Variants in CNTNAP4 observed in about 807,000 individuals in gnomAD.
CNTNAP4 encodes the protein contactin-associated protein-like 4.
In CNTNAP4, 98 loss-of-function variants were observed where a neutral mutation model predicts 148.4. The ratio of observed to expected loss-of-function variants is 0.66; its 90% CI spans 0.56 to 0.78. The LOEUF (loss-of-function observed/expected upper bound fraction) is 0.78. Ranked by LOEUF, CNTNAP4 falls within the 30% of genes least tolerant of loss-of-function variation. The pLI is 0.00. For synonymous variants in CNTNAP4, 730 were observed against 565.1 expected, an observed-to-expected ratio of 1.29 and a Z score of -4.14; for missense variants, 1,935 against 1,565.6, an observed-to-expected ratio of 1.24 and a Z score of -3.98.
At chr16:76,542,494 A>G (rs2084506424) in intron 21 of CNTNAP4, among the ~76,000 whole-genome samples, 1 of 152,208 alleles carries the variant, frequency 6.6e-6, no homozygotes, top group Non-Finnish European at 1.5e-5. Context: ...TGTGGGACCC[A>G]TCTACTTCCC....
At chr16:76,362,920 G>A (rs1594027) in intron 3 of CNTNAP4, among the ~76,000 whole-genome samples, 1 of 151,704 alleles carries the variant, frequency 6.6e-6, no homozygotes, top group Non-Finnish European at 1.5e-5. Context: ...AATAAAATAA[G>A]GAAAAAAGAA....
intron 15 of CNTNAP4, among the ~76,000 whole-genome samples, chr16:76,514,610 C>A (rs557561130): frequency 6.6e-6 from 1 of 152,240 alleles, no homozygotes; most frequent in South Asian, 2.1e-4. Context: ...ATGGAAACAT[C>A]TATGAACAGC....
chr16:76,305,758 A>C (rs143338782), intron 1 of CNTNAP4, among the ~76,000 whole-genome samples: 294 of 152,218 alleles, frequency 1.9e-3, no homozygotes, highest in African/African-American at 6.5e-3. Context: ...TATTGCACCC[A>C]GGTAGTGAGA....
chr16:76,304,302 G>C (rs901323026), intron 1 of CNTNAP4, among the ~76,000 whole-genome samples: 1 of 152,098 alleles, frequency 6.6e-6, no homozygotes, highest in African/African-American at 2.4e-5. Context: ...CAATATTCTG[G>C]CTTCAGTGCA....
chr16:76,329,644 T>C (rs889041916), intron 2 of CNTNAP4, among the ~76,000 whole-genome samples: 1 of 152,198 alleles, frequency 6.6e-6, no homozygotes, highest in African/African-American at 2.4e-5. Flanking sequence ...ATAATTTAAA[T>C]AGAAAGCTAG....
chr16:76,533,394 G>A (rs548214055), intron 17 of CNTNAP4, among the ~76,000 whole-genome samples: 1 of 152,084 alleles, frequency 6.6e-6, no homozygotes, highest in African/African-American at 2.4e-5. Flanking sequence ...AGCTAGACAG[G>A]AGGAAAAAGT....
intron 15 of CNTNAP4, among the ~76,000 whole-genome samples, chr16:76,511,857 G>GAGAGAT (rs1233655475): frequency 6.6e-6 from 1 of 151,890 alleles, no homozygotes; most frequent in East Asian, 1.9e-4. Context: ...GAGAGAGAGA[G>GAGAGAT]AGAGACAATA....
intron 12 of CNTNAP4, among the ~76,000 whole-genome samples, chr16:76,488,903 G>A (rs1349311264): frequency 1.3e-5 from 2 of 152,148 alleles, no homozygotes; most frequent in South Asian, 2.1e-4. Context: ...CAGACATTCA[G>A]GCACCAATAG....
chr16:76,416,640 G>A (rs1211731267), intron 3 of CNTNAP4, among the ~76,000 whole-genome samples: 1 of 151,448 alleles, frequency 6.6e-6, no homozygotes, highest in East Asian at 1.9e-4. Context: ...ATTTGCAAGA[G>A]TGTGTTTTAT....
At chr16:76,315,524 A>G (rs1044513341) in intron 1 of CNTNAP4, among the ~76,000 whole-genome samples, 11 of 152,228 alleles carry the variant, frequency 7.2e-5, no homozygotes, top group African/African-American at 2.7e-4. Flanking sequence ...ATAAACTAGT[A>G]TCCTTTTGTA....
chr16:76,325,810 A>G (rs1962911854), intron 2 of CNTNAP4, among the ~76,000 whole-genome samples: 2 of 152,198 alleles, frequency 1.3e-5, no homozygotes, highest in African/African-American at 4.8e-5. Flanking sequence ...ACAAGCATGT[A>G]ATACAATCAA....
At chr16:76,463,165 T>C (rs1412082114) in intron 9 of CNTNAP4, among the ~76,000 whole-genome samples, 1 of 152,222 alleles carries the variant, frequency 6.6e-6, no homozygotes, top group Non-Finnish European at 1.5e-5. Context: ...AATATATGAT[T>C]GATTTTATGG....
rs111551780 is a variant in CNTNAP4 at position 76,528,330 on chromosome 16, A to G, written c.2755+6073A>G. Among the ~76,000 whole-genome samples the G allele has an allele frequency of 1.5e-4, 23 of 152,176 alleles. 1 individual carries two copies. The highest frequency in any genetic ancestry group is 5.3e-4 in the African/African-American group (22 of 41,544). On this transcript the variant is annotated intron_variant, in intron 17 of 23. Transcript: ENST00000611870. ...GACTGGAGTACAGTGGTGTGGTGCA[A>G]TCTTGGCTCACTGCAACCTACGCCT... is the stretch of plus-strand genomic sequence containing the variant.
intron 2 of CNTNAP4, among the ~76,000 whole-genome samples, chr16:76,352,885 C>A (rs1045192852): frequency 2.0e-5 from 3 of 152,112 alleles, no homozygotes; most frequent in African/African-American, 7.2e-5. Flanking sequence ...GTATAAATAA[C>A]AGTCTGCAAG....
intron 2 of CNTNAP4, among the ~76,000 whole-genome samples, chr16:76,347,862 A>T (rs1965038716): frequency 6.6e-6 from 1 of 152,176 alleles, no homozygotes; most frequent in Admixed American, 6.6e-5. Flanking sequence ...GGGGCAGATC[A>T]TTGAGGACAT....
At chr16:76,428,779 A>G (rs1393626826) in intron 4 of CNTNAP4, among the ~76,000 whole-genome samples, 4 of 152,160 alleles carry the variant, frequency 2.6e-5, no homozygotes, top group African/African-American at 9.7e-5. Context: ...TAGTAATATT[A>G]ATAGCATTCC....
At chr16:76,458,503 A>G (rs919442601) in intron 8 of CNTNAP4, among the ~76,000 whole-genome samples, 8 of 152,136 alleles carry the variant, frequency 5.3e-5, no homozygotes, top group South Asian at 4.2e-4. Context: ...AACTAGATTG[A>G]CCCATCTGGG....
chr16:76,355,926 T>G (rs12595966), intron 3 of CNTNAP4, among the ~76,000 whole-genome samples: 1 of 151,234 alleles, frequency 6.6e-6, no homozygotes, highest in African/African-American at 2.4e-5. Context: ...CCCAGGCTGG[T>G]TGCAGTGGCG....
At chr16:76,411,862 A>T (rs2078808874) in intron 3 of CNTNAP4, among the ~76,000 whole-genome samples, 1 of 151,470 alleles carries the variant, frequency 6.6e-6, no homozygotes, top group South Asian at 2.1e-4. Context: ...AAATGTATAT[A>T]CAACTCATTG....
Sources: gnomAD v4.1 joint callset for allele counts (sites outside exome capture counted in the v4.1 genomes callset) on GRCh38, gnomAD v4.1.1 for gene constraint, MANE v1.5 for transcripts, NCBI Gene and HGNC (gene_info 2026-07-23, HGNC 2026-07-21) for gene names.